The following C2CD3 variants were observed in gnomAD, a reference collection of about 807,000 sequenced individuals.
C2CD3 encodes the protein C2 domain-containing protein 3.
A neutral mutation model predicts 234.0 loss-of-function variants in C2CD3; 148 were observed. The ratio of observed to expected loss-of-function variants is 0.63; its 90% confidence interval spans 0.55 to 0.72. The LOEUF (loss-of-function observed/expected upper bound fraction) is 0.72. C2CD3 is among the 30% of genes least tolerant of loss of function. The pLI is 0.00. For missense variants in C2CD3, 2,577 were observed against 2,811.5 expected (o/e 0.92, Z 1.89); for synonymous variants, 1,000 against 1,035.4 (o/e 0.97, Z 0.66).
At chr11:74,051,431 T>C (rs995419275) in intron 26 of C2CD3, among the ~76,000 whole-genome samples, 4 of 152,342 alleles carry the variant, frequency 2.6e-5, no homozygotes, top group African/African-American at 4.8e-5. Flanking sequence ...GGTTTCTGCC[T>C]AAAATGAAGG....
intron 26 of C2CD3, among the ~76,000 whole-genome samples, chr11:74,051,148 T>C (rs565592440): frequency 2.0e-5 from 3 of 150,334 alleles, no homozygotes; most frequent in South Asian, 4.2e-4. Flanking sequence ...AACAAAAAAT[T>C]TGTGGGGTAT....
intron 3 of C2CD3, among the ~76,000 whole-genome samples, chr11:74,149,605 T>C (rs998818082): frequency 1.3e-5 from 2 of 152,126 alleles, no homozygotes; most frequent in Non-Finnish European, 2.9e-5. Flanking sequence ...AACTTTTTTT[T>C]TTTTTTGAGA....
chr11:74,031,970 CT>C (rs1459235765), intron 31 of C2CD3, among the ~76,000 whole-genome samples: 3 of 152,190 alleles, frequency 2.0e-5, no homozygotes, highest in African/African-American at 7.2e-5. Flanking sequence ...TTTCTCTGAT[CT>C]GCATCAAGAA....
chr11:74,051,447 C>T (rs1161935575), intron 26 of C2CD3, among the ~76,000 whole-genome samples: 3 of 152,090 alleles, frequency 2.0e-5, no homozygotes, highest in African/African-American at 7.2e-5. Flanking sequence ...GAAGGTAGTA[C>T]GTCCTAAACA....
chr11:74,108,742 T>C (rs758083630), intron 12 of C2CD3, among the ~76,000 whole-genome samples: 4 of 152,164 alleles, frequency 2.6e-5, no homozygotes, highest in Non-Finnish European at 4.4e-5. Context: ...TAAATCTCAG[T>C]TTCTTCATCT....
At chr11:74,125,066 C>T (rs1201923529) in intron 7 of C2CD3, among the ~76,000 whole-genome samples, 2 of 152,156 alleles carry the variant, frequency 1.3e-5, no homozygotes, top group Non-Finnish European at 2.9e-5. Flanking sequence ...AATACGACTA[C>T]AAGGCTTATA....
chr11:74,152,993 A>G (rs570874257), intron 3 of C2CD3, among the ~76,000 whole-genome samples: 1 of 152,282 alleles, frequency 6.6e-6, no homozygotes, highest in East Asian at 1.9e-4. Flanking sequence ...TGAGAGACTG[A>G]GAAAGGAGGA....
intron 3 of C2CD3, among the ~76,000 whole-genome samples, chr11:74,140,244 T>C (rs563454118): frequency 6.6e-6 from 1 of 152,222 alleles, no homozygotes; most frequent in South Asian, 2.1e-4. Flanking sequence ...CTTACTAAGC[T>C]TCCTTCCTTC....
intron 19 of C2CD3, 50 bp downstream of exon 19, chr11:74,092,366 T>A (rs1315841858): frequency 3.3e-6 from 5 of 1,537,146 alleles, no homozygotes; most frequent in Non-Finnish European, 4.5e-6. Context: ...TTTTATATAT[T>A]TTTATGTATA....
chr11:74,121,779 G>A (rs1957226132), intron 8 of C2CD3, among the ~76,000 whole-genome samples: 2 of 152,130 alleles, frequency 1.3e-5, no homozygotes, highest in South Asian at 4.1e-4. Context: ...TAATAAATGT[G>A]TAATAAATAT....
Position 74,013,508 on chromosome 11 carries a change from G to A in C2CD3, c.6939C>T (p.Thr2313=). The change falls in exon 33 of 33, where the codon ACC becomes ACT. Residue 2313 remains threonine (T), a synonymous_variant. Transcript: ENST00000334126. ...AAGGCCTTTGGGAGAGAGCTCCCCT[G>A]GTGGCTTCGCTCTTGTCCTGGAGAG... ...ATTDQDKSEA[T]RGALSQRPCR... 7.3e-7 allele frequency: 1 copy of A among 1,367,806 alleles called. No individual in the cohort carries two copies. Among genetic ancestry groups the A allele is most frequent in the South Asian group, 1.8e-5 (1 of 55,836 alleles). 84.7% of individuals were successfully genotyped at this position (1,367,806 alleles called of 1,614,324 possible). A position where few individuals can be genotyped will look rare whatever the true frequency, so the allele number is the denominator to read the frequency against.
chr11:74,046,344 T>C (rs947624322), intron 28 of C2CD3, among the ~76,000 whole-genome samples: 2 of 152,112 alleles, frequency 1.3e-5, no homozygotes. Context: ...ATATACAAGG[T>C]ACTTTTTATT....
At chr11:74,074,681 G>A in intron 23 of C2CD3, 81 bp from the exon 24 acceptor site, 1 of 1,156,280 alleles carries the variant, frequency 8.6e-7, no homozygotes, top group Non-Finnish European at 1.2e-6. Flanking sequence ...TGAGGGTGCT[G>A]TGGTCCTTTC....
intron 12 of C2CD3, among the ~76,000 whole-genome samples, chr11:74,107,709 T>C (rs1956577512): frequency 6.6e-6 from 1 of 152,182 alleles, no homozygotes. Flanking sequence ...TTATACAACA[T>C]ACTGTATTCA....
At chr11:74,100,462 C>T in intron 15 of C2CD3, 63 bp downstream of exon 15, 3 of 1,434,604 alleles carry the variant, frequency 2.1e-6, no homozygotes, top group Non-Finnish European at 2.8e-6. Context: ...CAAAAGAATT[C>T]CTTTTCAGTC....
At chr11:74,089,142 A>G (rs899432379) in intron 20 of C2CD3, among the ~76,000 whole-genome samples, 2 of 152,212 alleles carry the variant, frequency 1.3e-5, no homozygotes, top group Non-Finnish European at 1.5e-5. Context: ...TTATGAGATC[A>G]CTGCTATCAA....
At position 74,085,680 on chromosome 11, in the gene C2CD3, A is replaced by C. The variant is rs1955607937; in HGVS notation, c.3848T>G (p.Leu1283Arg). Residue 1283 changes from leucine (L) to arginine (R), a missense_variant, in exon 21 of 33, where the codon CTA becomes CGA. Transcript: ENST00000334126. ...TTCTGCAAACTCCAACAACTCTGCT[A>C]GGAAACAGGCCTCTCCACTACAGTG... ...TQHCSGEACFLAELLEFAEVI... is the reference protein window; with the variant it reads ...TQHCSGEACFRAELLEFAEVI... 6.2e-7 allele frequency: 1 copy of C among 1,614,166 alleles called. No homozygotes were observed. Among genetic ancestry groups the C allele is most frequent in the East Asian group, 2.2e-5 (1 of 44,862 alleles).
chr11:74,040,195 G>C (rs910362697), intron 29 of C2CD3, among the ~76,000 whole-genome samples: 2 of 152,156 alleles, frequency 1.3e-5, no homozygotes, highest in Non-Finnish European at 2.9e-5. Flanking sequence ...CTCATGTGAG[G>C]GATCTAGGTT....
chr11:74,153,230 CAAAA>C (rs1855789856), intron 3 of C2CD3, among the ~76,000 whole-genome samples: 1 of 151,550 alleles, frequency 6.6e-6, no homozygotes, highest in Non-Finnish European at 1.5e-5. Flanking sequence ...CAAAACAAAA[CAAAA>C]CAAAACAAAA....
Sources: allele counts gnomAD v4.1 joint callset (sites outside exome capture counted in the v4.1 genomes callset), GRCh38; gene constraint gnomAD v4.1.1; transcripts MANE v1.5; gene names NCBI Gene and HGNC (gene_info 2026-07-23, HGNC 2026-07-21).